Variants in KHDRBS3 observed in about 807,000 individuals in gnomAD.
KHDRBS3 encodes the protein KH domain-containing, RNA-binding, signal transduction-associated protein 3.
Under a neutral mutation model 45.6 loss-of-function variants are expected in KHDRBS3, and 23 were observed. That is an observed-to-expected ratio of 0.50 (90% CI 0.36 to 0.72). KHDRBS3 has a LOEUF of 0.72. Ranked by LOEUF, KHDRBS3 falls within the 30% of genes least tolerant of loss-of-function variation. The probability of loss-of-function intolerance (pLI) is 0.00; values close to 1 mark genes in which losing one functional copy is unlikely to be tolerated. For missense variants in KHDRBS3, 352 were observed against 424.8 expected, an observed-to-expected ratio of 0.83 and a Z score of 1.51; for synonymous variants, 162 against 156.5, an observed-to-expected ratio of 1.04 and a Z score of -0.26.
chr8:135,571,314 C>T (rs1827692031), intron 5 of KHDRBS3, among the ~76,000 whole-genome samples: 1 of 152,200 alleles, frequency 6.6e-6, no homozygotes, highest in Non-Finnish European at 1.5e-5. Flanking sequence ...TACTTTGGCT[C>T]TCTCTTCCCT....
At chr8:135,554,597 A>G (rs964104145) in intron 4 of KHDRBS3, among the ~76,000 whole-genome samples, 4 of 152,194 alleles carry the variant, frequency 2.6e-5, no homozygotes, top group Non-Finnish European at 2.9e-5. Context: ...TATATTTACA[A>G]TAAAATATTG....
chr8:135,602,264 T>C (rs1308697723), intron 6 of KHDRBS3, among the ~76,000 whole-genome samples: 4 of 152,202 alleles, frequency 2.6e-5, no homozygotes, highest in African/African-American at 9.6e-5. Flanking sequence ...GCACCCTGCT[T>C]CATGCTTCCC....
intron 7 of KHDRBS3, among the ~76,000 whole-genome samples, chr8:135,643,207 G>A (rs1469992139): frequency 2.0e-5 from 3 of 152,106 alleles, no homozygotes; most frequent in African/African-American, 7.2e-5. Context: ...CTTCTGCCTG[G>A]AAGACCCTTG....
chr8:135,604,994 G>C (rs1829393278), intron 6 of KHDRBS3, among the ~76,000 whole-genome samples: 1 of 150,960 alleles, frequency 6.6e-6, no homozygotes, highest in African/African-American at 2.4e-5. Flanking sequence ...GTTTTTGTTA[G>C]AAATCAGCTG....
intron 1 of KHDRBS3, among the ~76,000 whole-genome samples, chr8:135,493,396 C>G (rs1479710385): frequency 1.3e-5 from 2 of 152,068 alleles, no homozygotes; most frequent in Non-Finnish European, 2.9e-5. Context: ...GAAAAATCAT[C>G]CAATCTTTCA....
At chr8:135,639,264 TAG>T in intron 7 of KHDRBS3, among the ~76,000 whole-genome samples, 1 of 152,142 alleles carries the variant, frequency 6.6e-6, no homozygotes, top group Non-Finnish European at 1.5e-5. Context: ...GAGGAAATCA[TAG>T]AGAGTGGGAT....
chr8:135,491,604 A>G (rs1042445447), intron 1 of KHDRBS3, among the ~76,000 whole-genome samples: 2 of 149,074 alleles, frequency 1.3e-5, no homozygotes, highest in Admixed American at 1.3e-4. Context: ...GCCCCAGGAG[A>G]GAAGAAGGGG....
intron 1 of KHDRBS3, among the ~76,000 whole-genome samples, chr8:135,485,909 A>T (rs2130367550): frequency 6.7e-6 from 1 of 149,118 alleles, no homozygotes; most frequent in East Asian, 2.0e-4. Context: ...GTTTACAAAG[A>T]TACACCAGGC....
At chr8:135,473,685 A>G (rs1332205972) in intron 1 of KHDRBS3, among the ~76,000 whole-genome samples, 1 of 151,942 alleles carries the variant, frequency 6.6e-6, no homozygotes, top group Non-Finnish European at 1.5e-5. Flanking sequence ...TTACTTATTT[A>G]TTTATTTTGA....
chr8:135,510,762 G>A (rs1441058310), intron 1 of KHDRBS3, among the ~76,000 whole-genome samples: 1 of 152,082 alleles, frequency 6.6e-6, no homozygotes, highest in Non-Finnish European at 1.5e-5. Flanking sequence ...GTAGTCTCTA[G>A]TTCCAGGTTA....
chr8:135,561,256 A>G (rs1436907790), intron 5 of KHDRBS3, among the ~76,000 whole-genome samples: 6 of 152,176 alleles, frequency 3.9e-5, no homozygotes, highest in African/African-American at 1.4e-4. Flanking sequence ...CATTTTAACA[A>G]ACACTTATAT....
At chr8:135,547,949 A>G (rs7815821) in intron 3 of KHDRBS3, among the ~76,000 whole-genome samples, 121,769 of 152,134 alleles carry the variant, frequency 0.8, 49,253 homozygotes, top group East Asian at 0.96. Context: ...TCTCCTCCTA[A>G]TTTTCGTCCT....
At chr8:135,654,884 C>G (rs905152159) in intron 4 of KHDRBS3, among the ~76,000 whole-genome samples, 2 of 152,218 alleles carry the variant, frequency 1.3e-5, no homozygotes, top group African/African-American at 2.4e-5. Context: ...TATCCAGATC[C>G]TCCCATTTCT....
rs150971318 is a variant in KHDRBS3 at position 135,581,931 on chromosome 8, C to A, written c.665C>A (p.Thr222Lys). 21 of 1,611,792 alleles carry A rather than the reference C, an allele frequency of 1.3e-5. No individual in the cohort carries two copies. Among genetic ancestry groups the A allele is most frequent in the Non-Finnish European group, 1.8e-5 (21 of 1,178,678 alleles). ...GTTGGAGTTGTAGTACCACGAGGGACGCCAACTCCCAGAGGAGTCCTGTCC... is the reference window on the plus strand; with the variant it reads ...GTTGGAGTTGTAGTACCACGAGGGAAGCCAACTCCCAGAGGAGTCCTGTCC... ...RPVGVVVPRG[T>K]PTPRGVLSTR... The change falls in exon 6 of 9, where the codon ACG (threonine) becomes AAG (lysine). Residue 222 changes from threonine to lysine, a missense_variant. Physicochemically the swap from Thr to Lys is moderately conservative, Grantham distance 78 (BLOSUM62 -1). Coordinates refer to ENST00000355849, the MANE Select transcript of KHDRBS3 (RefSeq NM_006558.3).
intron 1 of KHDRBS3, among the ~76,000 whole-genome samples, chr8:135,483,110 T>A (rs1047136159): frequency 1.3e-5 from 2 of 152,194 alleles, no homozygotes; most frequent in African/African-American, 4.8e-5. Context: ...CAACCCTGTA[T>A]CTCTTTTGCA....
chr8:135,509,703 C>A (rs540079528), intron 1 of KHDRBS3, among the ~76,000 whole-genome samples: 16 of 152,064 alleles, frequency 1.1e-4, no homozygotes, highest in Non-Finnish European at 2.1e-4. Context: ...CTTTGTGTTT[C>A]TCTTTCCTGT....
At chr8:135,614,180 T>A (rs1449298919) in intron 7 of KHDRBS3, among the ~76,000 whole-genome samples, 3 of 151,870 alleles carry the variant, frequency 2.0e-5, no homozygotes, top group Non-Finnish European at 2.9e-5. Context: ...AAACTATTCT[T>A]TACAATATTG....
intron 7 of KHDRBS3, among the ~76,000 whole-genome samples, chr8:135,616,817 A>G (rs891438564): frequency 6.6e-6 from 1 of 152,164 alleles, no homozygotes; most frequent in African/African-American, 2.4e-5. Flanking sequence ...AAGTCTTTCT[A>G]TGTTTCATTC....
At position 135,496,615 on chromosome 8, in the gene KHDRBS3, A is replaced by G. The variant is rs1294709481; in HGVS notation, c.89-24622A>G. Among the ~76,000 whole-genome samples, 3 of 152,224 alleles carry G rather than the reference A, an allele frequency of 2.0e-5. No homozygotes were observed. The South Asian group carries it at 6.2e-4, about 32-fold the overall frequency. On this transcript the variant is annotated intron_variant, in intron 1 of 8. Transcript: ENST00000355849. ...CACTAGGCTGAACATGAAGGAGGCT[A>G]CTTAATAGGCAGGTGGCTGCCTTGG... is the stretch of plus-strand genomic sequence containing the variant.
Sources: allele counts gnomAD v4.1 joint callset (sites outside exome capture counted in the v4.1 genomes callset), GRCh38; gene constraint gnomAD v4.1.1; transcripts MANE v1.5; gene names NCBI Gene and HGNC (gene_info 2026-07-23, HGNC 2026-07-21).